Variants in PUS7 observed in about 807,000 individuals in gnomAD.
PUS7 encodes pseudouridine synthase 7.
Under a neutral mutation model 79.8 loss-of-function variants are expected in PUS7, and 48 were observed. The ratio of observed to expected loss-of-function variants is 0.60; its 90% CI spans 0.48 to 0.76. PUS7 has a LOEUF of 0.76. Among genes scored for constraint, PUS7 ranks in the 30% least tolerant of loss-of-function variants. The pLI, the probability that PUS7 is intolerant of heterozygous loss-of-function variation, is 0.00. For synonymous variants in PUS7, 286 were observed against 272.2 expected (o/e 1.05, Z -0.50); for missense variants, 729 against 797.6 (o/e 0.91, Z 1.04).
chr7:105,473,415 ATTT>A (rs922271999), intron 9 of PUS7, among the ~76,000 whole-genome samples: 3 of 123,602 alleles, frequency 2.4e-5, no homozygotes, highest in Non-Finnish European at 1.7e-5. Context: ...TGCCTGCCTA[ATTT>A]TTTTTTTTTT....
At chr7:105,466,913 G>C (rs966273779) in intron 12 of PUS7, among the ~76,000 whole-genome samples, 3 of 151,994 alleles carry the variant, frequency 2.0e-5, no homozygotes, top group Non-Finnish European at 4.4e-5. Context: ...ACCTTAGTGG[G>C]TTTATGGGGT....
chr7:105,496,222 TATATAGAGAGAGAGAG>T (rs1825022063), intron 5 of PUS7, among the ~76,000 whole-genome samples: 1 of 85,032 alleles, frequency 1.2e-5, no homozygotes, highest in African/African-American at 4.7e-5. Flanking sequence ...TATATATATA[TATATAGAGAGAGAGAG>T]AGAGAGAGAG....
At chr7:105,461,383 CTTT>C (rs1336007899) in intron 14 of PUS7, among the ~76,000 whole-genome samples, 1 of 152,056 alleles carries the variant, frequency 6.6e-6, no homozygotes, top group Non-Finnish European at 1.5e-5. Context: ...AAAACAGCTT[CTTT>C]ATTTCTTTTC....
chr7:105,472,132 C>T lies in PUS7; in HGVS notation c.1237G>A (p.Ala413Thr), dbSNP rs1823899645. The T allele has an allele frequency of 1.3e-6, 2 of 1,591,900 alleles. No individual in the cohort carries two copies. The highest frequency in any genetic ancestry group is 2.2e-5 in the East Asian group (1 of 44,608). ...TTCTTAACATGAATTTTATTCTCAC[C>T]TCCAGAGCGGGGTTTCAATATTAAA... ...MDLILKPRSGAEKGYLVKCRE... is the reference protein window; with the variant it reads ...MDLILKPRSGTEKGYLVKCRE... Residue 413 changes from alanine (A) to threonine (T), a missense_variant and splice_region_variant, in exon 10 of 16, where the codon GCT (alanine) becomes ACT (threonine). Transcript: ENST00000469408.
intron 7 of PUS7, among the ~76,000 whole-genome samples, chr7:105,488,670 T>C (rs1262471631): frequency 6.6e-6 from 1 of 152,222 alleles, no homozygotes; most frequent in Non-Finnish European, 1.5e-5. Context: ...TCAAACATAT[T>C]TTGCTATATA....
At chr7:105,518,051 G>A (rs936277449) in intron 1 of PUS7, among the ~76,000 whole-genome samples, 1 of 152,036 alleles carries the variant, frequency 6.6e-6, no homozygotes, top group African/African-American at 2.4e-5. Flanking sequence ...AGGAGGCTGA[G>A]ACAGGAGAAT....
chr7:105,513,523 T>C (rs1250301302), intron 1 of PUS7, among the ~76,000 whole-genome samples: 3 of 152,242 alleles, frequency 2.0e-5, no homozygotes, highest in East Asian at 1.9e-4. Context: ...TAGTCCTTAA[T>C]AGTTATTATT....
intron 9 of PUS7, among the ~76,000 whole-genome samples, chr7:105,476,648 G>A (rs780462049): frequency 3.9e-5 from 6 of 152,106 alleles, no homozygotes; most frequent in East Asian, 1.9e-4. Context: ...GAGTCACTGC[G>A]CCTGGCCTAT....
At chr7:105,512,916 C>T (rs535161384) in intron 1 of PUS7, among the ~76,000 whole-genome samples, 2 of 152,240 alleles carry the variant, frequency 1.3e-5, no homozygotes, top group South Asian at 4.1e-4. Context: ...GTAGCAGGGA[C>T]AGGAGAAGGT....
chr7:105,496,653 A>G (rs1469589033), intron 5 of PUS7, among the ~76,000 whole-genome samples: 2 of 152,200 alleles, frequency 1.3e-5, no homozygotes, highest in Non-Finnish European at 2.9e-5. Context: ...TACAATGAAA[A>G]GAACAAAAGA....
intron 7 of PUS7, among the ~76,000 whole-genome samples, chr7:105,484,968 T>A (rs1824485329): frequency 6.6e-6 from 1 of 150,572 alleles, no homozygotes. Flanking sequence ...AATCAAGGAA[T>A]TATCCTGCCC....
At chr7:105,492,510 T>G in intron 6 of PUS7, among the ~76,000 whole-genome samples, 1 of 138,926 alleles carries the variant, frequency 7.2e-6, no homozygotes, top group Admixed American at 7.1e-5. Context: ...ATTTTTTTTT[T>G]TTTTTTTTTT....
At chr7:105,474,522 A>G (rs1435738786) in intron 9 of PUS7, among the ~76,000 whole-genome samples, 1 of 151,766 alleles carries the variant, frequency 6.6e-6, no homozygotes, top group East Asian at 1.9e-4. Context: ...TAATCTCAGC[A>G]CTTTGGGAGG....
At chr7:105,486,888 C>T (rs1283364628) in intron 7 of PUS7, among the ~76,000 whole-genome samples, 5 of 151,720 alleles carry the variant, frequency 3.3e-5, no homozygotes, top group South Asian at 2.1e-4. Context: ...GGTGAAACCC[C>T]GTGTCTACTA....
At chr7:105,481,472 G>A (rs527939312) in intron 8 of PUS7, among the ~76,000 whole-genome samples, 2 of 152,214 alleles carry the variant, frequency 1.3e-5, no homozygotes, top group Admixed American at 1.3e-4. Context: ...TGAGCAGTAG[G>A]ATATAAATAA....
rs78434789 is a variant in PUS7, at chr7:105,480,558, C to T, written c.1175+494G>A. On this transcript the variant is annotated intron_variant, in intron 9 of 15. Transcript: ENST00000469408. The stretch of plus-strand genomic sequence containing the variant: ...TTGGGAGGCTGAGGTCGGGGGATCA[C>T]CTGAGGTTGGGAGTTCGAGACCAGC... Among the ~76,000 whole-genome samples the T allele has an allele frequency of 6.9e-3, 1,055 of 152,118 alleles. 20 individuals are homozygous for T. The highest frequency in any genetic ancestry group is 0.059 in the East Asian group (305 of 5,158).
chr7:105,461,216 CA>C (rs1823413118), intron 14 of PUS7, among the ~76,000 whole-genome samples: 1 of 152,180 alleles, frequency 6.6e-6, no homozygotes, highest in Admixed American at 6.5e-5. Flanking sequence ...TTGGAACTCA[CA>C]GCTAATTCTA....
In PUS7 at chr7:105,481,799, C is replaced by T. The variant is rs553375777; in HGVS notation, c.1049+513G>A. Among the ~76,000 whole-genome samples the T allele has an allele frequency of 2.9e-3, 434 of 151,342 alleles. 3 individuals carry two copies. The highest frequency in any genetic ancestry group is 4.8e-3 in the Non-Finnish European group (325 of 67,916). ...AGGCTGGAGTGCAGTGGAGCGATCT[C>T]GGCTCACTGCAAGTTCTGCCTCCTC... On this transcript the variant is annotated intron_variant, in intron 8 of 15. Coordinates refer to ENST00000469408, the MANE Select transcript of PUS7 (RefSeq NM_019042.5).
At chr7:105,496,075 G>T (rs1024220759) in intron 5 of PUS7, among the ~76,000 whole-genome samples, 2 of 151,402 alleles carry the variant, frequency 1.3e-5, no homozygotes, top group Admixed American at 6.6e-5. Context: ...CAAGAGAATT[G>T]CTTGAACCCA....
Sources: gnomAD v4.1 joint callset for allele counts (sites outside exome capture counted in the v4.1 genomes callset) on GRCh38, gnomAD v4.1.1 for gene constraint, MANE v1.5 for transcripts, NCBI Gene and HGNC (gene_info 2026-07-23, HGNC 2026-07-21) for gene names.